Variants in VRK2 observed in about 807,000 individuals in gnomAD.
VRK2 encodes the protein serine/threonine-protein kinase VRK2.
VRK2 carries 60 observed loss-of-function variants against 57.6 expected under a neutral mutation model. The observed-to-expected ratio is 1.04, with a 90% CI of 0.85 to 1.29. The LOEUF is 1.29. VRK2 is among the 50% of genes most tolerant of loss of function. The pLI, the probability that VRK2 is intolerant of heterozygous loss-of-function variation, is 0.00. For synonymous variants in VRK2, 231 were observed against 199.2 expected (o/e 1.16, Z -1.35); for missense variants, 705 against 588.1 (o/e 1.20, Z -2.06).
chr2:58,012,277 T>A (rs1325128589), intron 1 of VRK2, among the ~76,000 whole-genome samples: 1 of 152,186 alleles, frequency 6.6e-6, no homozygotes, highest in African/African-American at 2.4e-5. Flanking sequence ...CATTCTTTTA[T>A]TCCTTTACTT....
intron 1 of VRK2, among the ~76,000 whole-genome samples, chr2:58,047,877 GA>G (rs1675099046): frequency 6.6e-6 from 1 of 152,224 alleles, no homozygotes; most frequent in South Asian, 2.1e-4. Context: ...TTCTTTTATG[GA>G]AGCTAGGAAG....
intron 1 of VRK2, among the ~76,000 whole-genome samples, chr2:57,993,396 TTGTGCTAAGCAATGGG>T (rs746593472): frequency 7.2e-5 from 11 of 151,958 alleles, no homozygotes; most frequent in African/African-American, 2.7e-4. Flanking sequence ...TAGAATTAAA[TTGTGCTAAGCAATGGG>T]TGTGCTAAGC....
At chr2:58,094,937 G>A (rs894645988) in intron 7 of VRK2, among the ~76,000 whole-genome samples, 8 of 152,136 alleles carry the variant, frequency 5.3e-5, no homozygotes, top group South Asian at 4.2e-4. Flanking sequence ...GTAGTTCTCC[G>A]TTTTCAGTGT....
At chr2:58,048,620 T>C (rs1398963482) in intron 1 of VRK2, 1 of 1,487,564 alleles carries the variant, frequency 6.7e-7, no homozygotes, top group African/African-American at 1.4e-5. Context: ...AAAATATCTA[T>C]ACCTCTTAGA....
Position 57,971,786 on chromosome 2 carries a change from T to A in VRK2, c.-438-53879T>A, listed in dbSNP as rs1332504411. Among the ~76,000 whole-genome samples, 5 of 151,800 alleles carry A rather than the reference T, an allele frequency of 3.3e-5. No homozygotes were observed. The East Asian group carries it at 7.7e-4, about 23-fold the overall frequency. ...GAATACTTACATAAAAAGAAGGCAA[T>A]TTAATAAAATAAAAAATACAGGAAA... On this transcript the variant is annotated intron_variant, in intron 1 of 15. Coordinates refer to the VRK2 transcript ENST00000417641.
At chr2:58,060,832 A>G (rs758162316) in intron 2 of VRK2, among the ~76,000 whole-genome samples, 2 of 151,926 alleles carry the variant, frequency 1.3e-5, no homozygotes, top group African/African-American at 2.4e-5. Flanking sequence ...CTCTCACTTC[A>G]TACACTTTGA....
intron 2 of VRK2, among the ~76,000 whole-genome samples, chr2:58,078,863 AG>A (rs1469095724): frequency 6.6e-6 from 1 of 152,084 alleles, no homozygotes; most frequent in Non-Finnish European, 1.5e-5. Context: ...TTTTAGAGAA[AG>A]GGTAACTCTG....
At position 58,139,749 on chromosome 2, in the gene VRK2, A is replaced by G; in HGVS notation, c.940A>G (p.Asn314Asp). ...CTATCAAGCCCTCAAGAAAATTTTG[A>G]ACCCTCATGGAATACCTTTAGGACC... Reference protein sequence around the residue: ...PNYQALKKILNPHGIPLGPLD... With the variant: ...PNYQALKKILDPHGIPLGPLD... The change falls in exon 11 of 13, where the codon AAC (asparagine) becomes GAC (aspartate). Residue 314 changes from asparagine (N) to aspartate (D), a missense_variant. Coordinates refer to ENST00000340157, the MANE Select transcript of VRK2 (RefSeq NM_006296.7). The G allele has an allele frequency of 6.2e-7, 1 of 1,613,296 alleles. No individual in the cohort carries two copies. The highest frequency in any genetic ancestry group is 8.5e-7 in the Non-Finnish European group (1 of 1,179,464).
In VRK2 at chr2:57,951,894, C is replaced by T. The variant is rs570618178; in HGVS notation, c.-439+44055C>T. Among the ~76,000 whole-genome samples, 119 of 151,030 alleles carry T rather than the reference C, an allele frequency of 7.9e-4. 1 individual carries two copies. Among genetic ancestry groups the T allele is most frequent in the African/African-American group, 2.7e-3 (112 of 41,130 alleles). The stretch of plus-strand genomic sequence containing the variant: ...GAGTAGTTTAAACTACAGAAGCATA[C>T]CACCATGCCCAGGTAATTTTTTTTC... On this transcript the variant is annotated intron_variant, in intron 1 of 15. Transcript: ENST00000417641.
chr2:58,089,650 T>C lies in VRK2; in HGVS notation c.470T>C (p.Ile157Thr), dbSNP rs535615162. 8 of 1,603,018 alleles carry C rather than the reference T, an allele frequency of 5.0e-6. No individual in the cohort carries two copies. The Admixed American group carries it at 1.2e-4, about 24-fold the overall frequency. Residue 157 changes from isoleucine (I) to threonine (T), a missense_variant, in exon 7 of 13, where the codon ATA becomes ACA. Coordinates refer to ENST00000340157, the MANE Select transcript of VRK2 (RefSeq NM_006296.7). ...TCACAGTTGGATGTACTGGAATATA[T>C]ACATGAAAATGAATATGTTCATGGT... is the stretch of plus-strand genomic sequence containing the variant. ...GIRMLDVLEYIHENEYVHGDI... is the reference protein window; with the variant it reads ...GIRMLDVLEYTHENEYVHGDI...
Position 58,123,201 on chromosome 2 carries a change from A to T in VRK2, c.644A>T (p.Glu215Val), listed in dbSNP as rs751662781. Residue 215 changes from glutamate to valine, a missense_variant, in exon 8 of 13, where the codon GAG becomes GTG. Coordinates refer to ENST00000340157, the MANE Select transcript of VRK2 (RefSeq NM_006296.7). ...NPRKGHNGTI[E>V]FTSLDAHKGV... ...AGAAAAGGCCATAATGGGACAATAG[A>T]GTTTACCAGCTTGGATGCCCACAAG... is the stretch of plus-strand genomic sequence containing the variant. 2 of 1,588,624 alleles carry T rather than the reference A, an allele frequency of 1.3e-6. No homozygotes were observed. Among genetic ancestry groups the T allele is most frequent in the Non-Finnish European group, 1.7e-6 (2 of 1,173,576 alleles).
At chr2:58,121,005 T>C (rs1459276783) in intron 7 of VRK2, among the ~76,000 whole-genome samples, 2 of 152,256 alleles carry the variant, frequency 1.3e-5, no homozygotes, top group African/African-American at 4.8e-5. Flanking sequence ...TAAAGTCTTA[T>C]GTTTTTAACT....
At chr2:58,022,572 G>A (rs1673790923) in intron 1 of VRK2, among the ~76,000 whole-genome samples, 1 of 152,170 alleles carries the variant, frequency 6.6e-6, no homozygotes, top group Non-Finnish European at 1.5e-5. Context: ...ACGAATATGA[G>A]AGGTAAGAAA....
chr2:57,914,038 G>A (rs552381064), intron 1 of VRK2, among the ~76,000 whole-genome samples: 23 of 152,008 alleles, frequency 1.5e-4, no homozygotes, highest in Admixed American at 5.2e-4. Flanking sequence ...GAGAAAAAAC[G>A]TCAACTTTTC....
chr2:57,968,706 C>T (rs943361228), intron 1 of VRK2, among the ~76,000 whole-genome samples: 2 of 151,882 alleles, frequency 1.3e-5, no homozygotes, highest in Non-Finnish European at 1.5e-5. Flanking sequence ...TAAATCAAAA[C>T]TAAAAACTGA....
chr2:58,063,519 T>A (rs1301536603), intron 2 of VRK2, among the ~76,000 whole-genome samples: 1 of 151,828 alleles, frequency 6.6e-6, no homozygotes, highest in Non-Finnish European at 1.5e-5. Context: ...AATAATAGAG[T>A]TTACTGAATA....
intron 1 of VRK2, among the ~76,000 whole-genome samples, chr2:58,010,947 C>G (rs1484012011): frequency 6.6e-6 from 1 of 152,066 alleles, no homozygotes. Flanking sequence ...TATTAACAAC[C>G]TTACTTTTTA....
intron 1 of VRK2, among the ~76,000 whole-genome samples, chr2:57,944,685 G>A (rs11884466): frequency 0.057 from 8,691 of 151,554 alleles, 833 homozygotes; most frequent in African/African-American, 0.2. Context: ...GCAGTGAGCC[G>A]AGATCGTGCC....
chr2:58,159,707 A>T lies in VRK2; in HGVS notation c.*14A>T, dbSNP rs1214043334. The T allele has an allele frequency of 6.2e-7, 1 of 1,612,028 alleles. No homozygotes were observed. The highest frequency in any genetic ancestry group is 1.3e-5 in the African/African-American group (1 of 74,694). On this transcript the variant is annotated 3_prime_UTR_variant, in exon 13 of 13. Transcript: ENST00000340157. ...TTTTTTCTCTGAAGATGATACCAAAATTCCTTTTGATAATTTTTTAAGTTT... is the reference window on the plus strand; with the variant it reads ...TTTTTTCTCTGAAGATGATACCAAATTTCCTTTTGATAATTTTTTAAGTTT...
Sources: allele counts gnomAD v4.1 joint callset (sites outside exome capture counted in the v4.1 genomes callset), GRCh38; gene constraint gnomAD v4.1.1; transcripts MANE v1.5; gene names NCBI Gene and HGNC (gene_info 2026-07-23, HGNC 2026-07-21).